Variants in OR6C4 observed in about 807,000 individuals in gnomAD.
OR6C4 encodes the protein olfactory receptor 6C4.
Under a neutral mutation model 15.1 loss-of-function variants are expected in OR6C4, and 20 were observed. That is an observed-to-expected ratio of 1.32 (90% CI 0.93 to 1.92). The LOEUF is 1.92. OR6C4 is among the 30% of genes most tolerant of loss of function. The probability of loss-of-function intolerance (pLI) is 0.00; values close to 1 mark genes in which losing one functional copy is unlikely to be tolerated. For missense variants in OR6C4, 491 were observed against 363.2 expected (o/e 1.35, Z -2.86); for synonymous variants, 179 against 134.2 (o/e 1.33, Z -2.31).
chr12:55,551,877 A>G lies in OR6C4; in HGVS notation c.651A>G (p.Thr217=), dbSNP rs199695513. The G allele has an allele frequency of 1.9e-5, 30 of 1,613,796 alleles. No individual in the cohort carries two copies. Among genetic ancestry groups the G allele is most frequent in the Admixed American group, 1.2e-4 (7 of 59,888 alleles). ...VTLVLVTLSY[T]YIIRTILRIP... is the part of the protein sequence containing the mutation. ...TGGTGCTGGTGACACTTTCTTACAC[A>G]TACATTATCAGGACTATTCTGAGGA... The change falls in exon 2 of 2, where the codon ACA becomes ACG. Residue 217 remains threonine (T), a synonymous_variant. Coordinates refer to ENST00000641569, the MANE Select transcript of OR6C4 (RefSeq NM_001005494.2).
In OR6C4 at chr12:55,554,246, G is replaced by T. The variant is rs1873955873; in HGVS notation, c.*2090G>T. 1 of 152,138 alleles carries T rather than the reference G, an allele frequency of 6.6e-6. No homozygotes were observed. Among genetic ancestry groups the T allele is most frequent in the Non-Finnish European group, 1.5e-5 (1 of 68,012 alleles). The allele number at this position is 152,138 out of a possible 1,614,324, so 9.4% of individuals were successfully genotyped here. A position where few individuals can be genotyped will look rare whatever the true frequency, so the allele number is the denominator to read the frequency against. On this transcript the variant is annotated 3_prime_UTR_variant, in exon 2 of 2. Coordinates refer to ENST00000641569, the MANE Select transcript of OR6C4 (RefSeq NM_001005494.2). ...GGCTAGCATCAACTTCATTGCCCTAGATATCTATGGGAGAGACAGGATGTA... is the reference window on the plus strand; with the variant it reads ...GGCTAGCATCAACTTCATTGCCCTATATATCTATGGGAGAGACAGGATGTA...
chr12:55,550,696 T>C (rs1259560578), intron 1 of OR6C4, among the ~76,000 whole-genome samples: 1 of 151,778 alleles, frequency 6.6e-6, no homozygotes, highest in Non-Finnish European at 1.5e-5. Flanking sequence ...AAATTCCTAC[T>C]TGTTTCTGAA....
chr12:55,550,977 T>A (rs768598699), intron 1 of OR6C4, among the ~76,000 whole-genome samples: 2 of 152,180 alleles, frequency 1.3e-5, no homozygotes, highest in Non-Finnish European at 2.9e-5. Flanking sequence ...TGAGTTATTC[T>A]ATAATAAGTT....
chr12:55,551,539 C>A lies in OR6C4; in HGVS notation c.313C>A (p.Leu105Ile). 6.2e-7 allele frequency: 1 copy of A among 1,613,870 alleles called. No individual in the cohort carries two copies. Among genetic ancestry groups the A allele is most frequent in the East Asian group, 2.2e-5 (1 of 44,870 alleles). Residue 105 changes from leucine to isoleucine, a missense_variant, in exon 2 of 2, where the codon CTT (leucine) becomes ATT (isoleucine). Leu to Ile is a conservative substitution (Grantham distance 5). Coordinates refer to ENST00000641569, the MANE Select transcript of OR6C4 (RefSeq NM_001005494.2). The part of the protein sequence containing the change: ...CLTQYFFAIF[L>I]GATEFYLLAS... ...GACTCAGTATTTTTTTGCTATATTTCTTGGAGCTACCGAGTTTTACCTCCT... is the reference window on the plus strand; with the variant it reads ...GACTCAGTATTTTTTTGCTATATTTATTGGAGCTACCGAGTTTTACCTCCT...
chr12:55,551,243 T>C lies in OR6C4; in HGVS notation c.17T>C (p.Met6Thr), dbSNP rs979520016. 1 of 1,609,912 alleles carries C rather than the reference T, an allele frequency of 6.2e-7. No individual in the cohort carries two copies. MKNRT[M>T]FGEFILLGLT... ...AGGTCAACAATGAAAAACAGAACCATGTTTGGTGAGTTTATTCTACTGGGC... is the reference window on the plus strand; with the variant it reads ...AGGTCAACAATGAAAAACAGAACCACGTTTGGTGAGTTTATTCTACTGGGC... Residue 6 changes from methionine (M) to threonine (T), a missense_variant, in exon 2 of 2, where the codon ATG becomes ACG. By Grantham distance (81) the Met-to-Thr change is moderately conservative (BLOSUM62 -1). Transcript: ENST00000641569.
At position 55,551,546 on chromosome 12, in the gene OR6C4, C is replaced by T. The variant is rs751893211; in HGVS notation, c.320C>T (p.Ala107Val). Reference sequence around the variant, plus strand: ...TATTTTTTTGCTATATTTCTTGGAGCTACCGAGTTTTACCTCCTGGCCTCC... The same window carrying T: ...TATTTTTTTGCTATATTTCTTGGAGTTACCGAGTTTTACCTCCTGGCCTCC... The part of the protein sequence containing the change: ...TQYFFAIFLG[A>V]TEFYLLASMS... Residue 107 changes from alanine (A) to valine (V), a missense_variant, in exon 2 of 2, where the codon GCT (alanine) becomes GTT (valine). Transcript: ENST00000641569. 3.5e-5 allele frequency: 57 copies of T among 1,613,786 alleles called. No homozygotes were observed. Among genetic ancestry groups the T allele is most frequent in the Non-Finnish European group, 4.7e-5 (56 of 1,179,912 alleles).
In OR6C4 at chr12:55,551,970, C is replaced by G. The variant is rs764926137; in HGVS notation, c.744C>G (p.Leu248=). 19 of 1,613,770 alleles carry G rather than the reference C, an allele frequency of 1.2e-5. No individual in the cohort carries two copies. In the African/African-American group the frequency reaches 1.6e-4, roughly 14 times the overall value. The stretch of plus-strand genomic sequence containing the variant: ...CCTCCCACATGATTGTCATCTCCCT[C>G]TCTTATGGCAGCTGCATGTTTATGT... The part of the protein sequence containing the change: ...TCSSHMIVIS[L]SYGSCMFMYI... Residue 248 remains leucine, a synonymous_variant, in exon 2 of 2, where the codon CTC becomes CTG. Coordinates refer to ENST00000641569, the MANE Select transcript of OR6C4 (RefSeq NM_001005494.2).
intron 1 of OR6C4, 158 bp from the exon 2 acceptor site, chr12:55,551,050 TG>T: frequency 1.8e-6 from 1 of 545,406 alleles, no homozygotes; most frequent in African/African-American, 2.0e-5. Flanking sequence ...ACAAAAGATA[TG>T]GGGCTTGCAT....
At position 55,551,551 on chromosome 12, in the gene OR6C4, G is replaced by A. The variant is rs78982301; in HGVS notation, c.325G>A (p.Glu109Lys). The A allele has an allele frequency of 1.1e-3, 1,806 of 1,613,772 alleles. 17 individuals carry two copies. In the African/African-American group the frequency reaches 0.022, roughly 19 times the overall value. Reference sequence around the variant, plus strand: ...TTTTGCTATATTTCTTGGAGCTACCGAGTTTTACCTCCTGGCCTCCATGTC... The same window carrying A: ...TTTTGCTATATTTCTTGGAGCTACCAAGTTTTACCTCCTGGCCTCCATGTC... ...YFFAIFLGATEFYLLASMSYD... is the reference protein window; with the variant it reads ...YFFAIFLGATKFYLLASMSYD... The change falls in exon 2 of 2, where the codon GAG becomes AAG. Residue 109 changes from glutamate to lysine, a missense_variant. Glu to Lys is a moderately conservative substitution (Grantham distance 56). Coordinates refer to ENST00000641569, the MANE Select transcript of OR6C4 (RefSeq NM_001005494.2).
rs762469997 is a variant in OR6C4, at chr12:55,551,194, AC to A, written c.-18-13del. On this transcript the variant is annotated splice_polypyrimidine_tract_variant and intron_variant, in intron 1 of 1. Transcript: ENST00000641569. ...AAACTCTTCAATTTTCATCATTCTC[AC>A]CTTTTGCCTTTAGGTTTTCCGAAGG... The A allele has an allele frequency of 2.1e-6, 3 of 1,445,812 alleles. No individual in the cohort carries two copies. The East Asian group carries it at 6.8e-5, about 33-fold the overall frequency. The allele number at this position is 1,445,812 out of a possible 1,614,324, so 89.6% of individuals were successfully genotyped here.
In OR6C4 at chr12:55,551,333, G is replaced by A. The variant is rs1873850370; in HGVS notation, c.107G>A (p.Ser36Asn). 1.3e-5 allele frequency: 21 copies of A among 1,613,496 alleles called. No individual in the cohort carries two copies. Among genetic ancestry groups the A allele is most frequent in the Non-Finnish European group, 1.8e-5 (21 of 1,179,666 alleles). Residue 36 changes from serine (S) to asparagine (N), a missense_variant, in exon 2 of 2, where the codon AGT becomes AAT. By Grantham distance (46) the Ser-to-Asn change is conservative (BLOSUM62 1). Coordinates refer to ENST00000641569, the MANE Select transcript of OR6C4 (RefSeq NM_001005494.2). ...TTTCTGTTCCTCACCTACATGCTAAGTATCCTAGGAAATCTGACTATTATC... is the reference window on the plus strand; with the variant it reads ...TTTCTGTTCCTCACCTACATGCTAAATATCCTAGGAAATCTGACTATTATC... ...FIFLFLTYML[S>N]ILGNLTIITL...
rs748611436 is a variant in OR6C4 at position 55,551,328 on chromosome 12, G to A, written c.102G>A (p.Met34Ile). The A allele has an allele frequency of 6.2e-7, 1 of 1,613,466 alleles. No individual in the cohort carries two copies. Among genetic ancestry groups the A allele is most frequent in the East Asian group, 2.2e-5 (1 of 44,868 alleles). The stretch of plus-strand genomic sequence containing the variant: ...TCATCTTTCTGTTCCTCACCTACAT[G>A]CTAAGTATCCTAGGAAATCTGACTA... ...MIFIFLFLTY[M>I]LSILGNLTII... The change falls in exon 2 of 2, where the codon ATG becomes ATA. Residue 34 changes from methionine (M) to isoleucine (I), a missense_variant. Physicochemically the swap from Met to Ile is conservative, Grantham distance 10 (BLOSUM62 1). Coordinates refer to ENST00000641569, the MANE Select transcript of OR6C4 (RefSeq NM_001005494.2).
rs1873811685 is a variant in OR6C4, at chr12:55,549,927, G to C, written c.-210G>C. 1.3e-5 allele frequency: 2 copies of C among 152,076 alleles called. No individual in the cohort carries two copies. 9.4% of individuals were successfully genotyped at this position (152,076 alleles called of 1,614,324 possible). A position where few individuals can be genotyped will look rare whatever the true frequency, so the allele number is the denominator to read the frequency against. ...GTATATACTACTCAAAGATTCACGT[G>C]GCACATCTCATCTTTGATTTACCTC... On this transcript the variant is annotated 5_prime_UTR_variant, in exon 1 of 2. Coordinates refer to ENST00000641569, the MANE Select transcript of OR6C4 (RefSeq NM_001005494.2).
chr12:55,551,223 A>G lies in OR6C4; in HGVS notation c.-4A>G. On this transcript the variant is annotated 5_prime_UTR_variant, in exon 2 of 2. Coordinates refer to ENST00000641569, the MANE Select transcript of OR6C4 (RefSeq NM_001005494.2). Reference sequence around the variant, plus strand: ...TTTGCCTTTAGGTTTTCCGAAGGTCAACAATGAAAAACAGAACCATGTTTG... The same window carrying G: ...TTTGCCTTTAGGTTTTCCGAAGGTCGACAATGAAAAACAGAACCATGTTTG... 7 of 1,601,572 alleles carry G rather than the reference A, an allele frequency of 4.4e-6. No individual in the cohort carries two copies. Among genetic ancestry groups the G allele is most frequent in the Non-Finnish European group, 6.0e-6 (7 of 1,175,320 alleles).
chr12:55,551,483 G>A lies in OR6C4; in HGVS notation c.257G>A (p.Gly86Glu), dbSNP rs749261720. 6 of 1,613,846 alleles carry A rather than the reference G, an allele frequency of 3.7e-6. No homozygotes were observed. The highest frequency in any genetic ancestry group is 5.1e-6 in the Non-Finnish European group (6 of 1,179,922). ...AGATTTCTGACCAGCATGACAACAG[G>A]AAATAAAGTTATCAGCTTTGCTGGC... is the stretch of plus-strand genomic sequence containing the variant. ...IPRFLTSMTT[G>E]NKVISFAGCL... Residue 86 changes from glycine to glutamate, a missense_variant, in exon 2 of 2, where the codon GGA becomes GAA. Coordinates refer to ENST00000641569, the MANE Select transcript of OR6C4 (RefSeq NM_001005494.2).
chr12:55,555,370 G>GAGTGAGAACATACTTATA lies in OR6C4; in HGVS notation c.*3227_*3244dup, dbSNP rs1240521837. 1 of 152,076 alleles carries GAGTGAGAACATACTTATA rather than the reference G, an allele frequency of 6.6e-6. No individual in the cohort carries two copies. Among genetic ancestry groups the GAGTGAGAACATACTTATA allele is most frequent in the Non-Finnish European group, 1.5e-5 (1 of 68,034 alleles). The allele number at this position is 152,076 out of a possible 1,614,324, so 9.4% of individuals were successfully genotyped here. A position where few individuals can be genotyped will look rare whatever the true frequency, so the allele number is the denominator to read the frequency against. ...TACTCATAGCTTAGCTCCCACTTAC[G>GAGTGAGAACATACTTATA]AGTGAGAACATACTTATAAGTGAGA... On this transcript the variant is annotated 3_prime_UTR_variant, in exon 2 of 2. Coordinates refer to ENST00000641569, the MANE Select transcript of OR6C4 (RefSeq NM_001005494.2).
chr12:55,552,182 A>AT lies in OR6C4; in HGVS notation c.*30dup. The AT allele has an allele frequency of 6.7e-7, 1 of 1,485,504 alleles. No homozygotes were observed. 92.0% of individuals were successfully genotyped at this position (1,485,504 alleles called of 1,614,324 possible). A position where few individuals can be genotyped will look rare whatever the true frequency, so the allele number is the denominator to read the frequency against. ...AAAAGGAGATTACACTTCAAAATAC[A>AT]TTTTCACTTAACAAATATGCATTGA... On this transcript the variant is annotated 3_prime_UTR_variant, in exon 2 of 2. Coordinates refer to ENST00000641569, the MANE Select transcript of OR6C4 (RefSeq NM_001005494.2).
rs146302269 is a variant in OR6C4 at position 55,551,454 on chromosome 12, T to A, written c.228T>A (p.Ile76=). The change falls in exon 2 of 2, where the codon ATT becomes ATA. Residue 76 remains isoleucine, a synonymous_variant. Coordinates refer to ENST00000641569, the MANE Select transcript of OR6C4 (RefSeq NM_001005494.2). ...AAATTTCCTTCACATCCATTTTTAT[T>A]CCCAGATTTCTGACCAGCATGACAA... is the stretch of plus-strand genomic sequence containing the variant. The part of the protein sequence containing the change: ...FLEISFTSIF[I]PRFLTSMTTG... The A allele has an allele frequency of 1.1e-5, 18 of 1,613,856 alleles. No individual in the cohort carries two copies. The African/African-American group carries it at 2.4e-4, about 22-fold the overall frequency.
Position 55,554,033 on chromosome 12 carries a change from A to G in OR6C4, c.*1877A>G, listed in dbSNP as rs1210673610. 1.3e-5 allele frequency: 2 copies of G among 152,206 alleles called. No homozygotes were observed. Among genetic ancestry groups the G allele is most frequent in the Admixed American group, 1.3e-4 (2 of 15,270 alleles). The allele number at this position is 152,206 out of a possible 1,614,324, so 9.4% of individuals were successfully genotyped here. On this transcript the variant is annotated 3_prime_UTR_variant, in exon 2 of 2. Transcript: ENST00000641569. ...AGCTTAACTAGAAAGAAGGCATTAA[A>G]TTGGTTGGTTTAATATAGCAGGGAC...
Sources: gnomAD v4.1 joint callset for allele counts (sites outside exome capture counted in the v4.1 genomes callset) on GRCh38, gnomAD v4.1.1 for gene constraint, MANE v1.5 for transcripts, NCBI Gene and HGNC (gene_info 2026-07-23, HGNC 2026-07-21) for gene names.